ADGRB1: variants seen among roughly 807,000 people sequenced by gnomAD.
ADGRB1 encodes brain-specific angiogenesis inhibitor 1.
In ADGRB1, 36 loss-of-function variants were observed where a neutral mutation model predicts 175.7. The observed-to-expected ratio is 0.20, with a 90% CI of 0.16 to 0.27. The LOEUF is 0.27. ADGRB1 is among the 10% of genes least tolerant of loss of function. The pLI is 1.00. For synonymous variants in ADGRB1, 1,054 were observed against 979.4 expected (o/e 1.08, Z -1.42); for missense variants, 1,731 against 2,255.3 (o/e 0.77, Z 4.71).
At chr8:142,505,989 G>A (rs1025357546) in intron 17 of ADGRB1, among the ~76,000 whole-genome samples, 3 of 152,302 alleles carry the variant, frequency 2.0e-5, no homozygotes, top group African/African-American at 7.2e-5. Flanking sequence ...TCATTCACGC[G>A]CAGGCGTCCT....
At chr8:142,523,706 T>C (rs892456514) in intron 22 of ADGRB1, among the ~76,000 whole-genome samples, 4 of 145,630 alleles carry the variant, frequency 2.7e-5, no homozygotes, top group African/African-American at 7.7e-5. Flanking sequence ...ACGGTCCTTA[T>C]TGGGTTTCAG....
At chr8:142,462,132 C>T (rs1840001223) in intron 1 of ADGRB1, among the ~76,000 whole-genome samples, 1 of 152,144 alleles carries the variant, frequency 6.6e-6, no homozygotes, top group Admixed American at 6.5e-5. Context: ...AGCATCTTCC[C>T]AGGTCTGCCA....
At chr8:142,516,493 G>T (rs1843447042) in intron 18 of ADGRB1, among the ~76,000 whole-genome samples, 1 of 147,904 alleles carries the variant, frequency 6.8e-6, no homozygotes, top group African/African-American at 2.5e-5. Flanking sequence ...GCGCGCGTGT[G>T]TGCGGGCCCC....
At chr8:142,500,427 C>T (rs1054660884) in intron 17 of ADGRB1, among the ~76,000 whole-genome samples, 2 of 139,132 alleles carry the variant, frequency 1.4e-5, no homozygotes, top group Non-Finnish European at 3.0e-5. Context: ...CCACCACCCC[C>T]CCATGCCCTC....
At position 142,544,708 on chromosome 8, in the gene ADGRB1, C is replaced by T. The variant is rs1010464904; in HGVS notation, c.*291C>T. The T allele has an allele frequency of 1.8e-5, 5 of 280,376 alleles. No individual in the cohort carries two copies. The highest frequency in any genetic ancestry group is 8.9e-5 in the African/African-American group (4 of 45,060). 17.4% of individuals were successfully genotyped at this position (280,376 alleles called of 1,614,324 possible). A position where few individuals can be genotyped will look rare whatever the true frequency, so the allele number is the denominator to read the frequency against. The stretch of plus-strand genomic sequence containing the variant: ...GGCAGATGGGCGGACGGCTGTGGAC[C>T]GTGGACAGGCCCAGCGCGGCCAGCG... On this transcript the variant is annotated 3_prime_UTR_variant, in exon 31 of 31. Coordinates refer to ENST00000517894, the MANE Select transcript of ADGRB1 (RefSeq NM_001702.3).
In ADGRB1 at chr8:142,542,079, A is replaced by G. The variant is rs757805243; in HGVS notation, c.3845A>G (p.Asn1282Ser). 1.2e-6 allele frequency: 2 copies of G among 1,613,136 alleles called. No homozygotes were observed. Among genetic ancestry groups the G allele is most frequent in the Admixed American group, 1.7e-5 (1 of 60,018 alleles). ...ACCAATTTCAACAGCCTGCCGGCCA[A>G]CGTGTCCAAGCTGCACCTGCACGGC... ...PPTNFNSLPA[N>S]VSKLHLHGSP... The change falls in exon 28 of 31, where the codon AAC (asparagine) becomes AGC (serine). Residue 1282 changes from asparagine to serine, a missense_variant. By Grantham distance (46) the Asn-to-Ser change is conservative. Transcript: ENST00000517894. This position sits in a 1 kb window ranked among gnomAD's most constrained non-coding sequence, Gnocchi z 6.3.
intron 14 of ADGRB1, 71 bp from the exon 15 acceptor site, chr8:142,488,964 A>T: frequency 1.3e-6 from 2 of 1,537,124 alleles, no homozygotes; most frequent in South Asian, 2.3e-5. Context: ...AGCGGGGTCC[A>T]GGCCAGGCTG....
intron 4 of ADGRB1, 68 bp downstream of exon 4, chr8:142,476,763 G>C: frequency 1.4e-6 from 2 of 1,394,898 alleles, no homozygotes; most frequent in East Asian, 2.5e-5. Context: ...ATCAATTGCA[G>C]CTAGTTATGG....
chr8:142,535,118 C>G (rs1438450958), intron 25 of ADGRB1, among the ~76,000 whole-genome samples: 2 of 152,180 alleles, frequency 1.3e-5, no homozygotes, highest in Admixed American at 6.5e-5. Flanking sequence ...AAAATGGAGG[C>G]AAAATATCTC....
chr8:142,515,298 G>A (rs974221272), intron 18 of ADGRB1, among the ~76,000 whole-genome samples: 12 of 152,226 alleles, frequency 7.9e-5, no homozygotes, highest in Admixed American at 6.5e-4. Flanking sequence ...TCCCCTCGGC[G>A]TGAGTTGAGG....
intron 2 of ADGRB1, among the ~76,000 whole-genome samples, chr8:142,469,689 ATGTG>A (rs1161107144): frequency 3.1e-5 from 4 of 128,910 alleles, no homozygotes; most frequent in Non-Finnish European, 6.8e-5. Flanking sequence ...ATGTGTGTGA[ATGTG>A]TGCGTGCCTG....
intron 1 of ADGRB1, among the ~76,000 whole-genome samples, chr8:142,453,182 G>A (rs1469264513): frequency 6.6e-6 from 1 of 152,160 alleles, no homozygotes; most frequent in Non-Finnish European, 1.5e-5. Context: ...GCGTGCTGGT[G>A]TCCATGTGTG....
Position 142,493,634 on chromosome 8 carries a change from G to A in ADGRB1, c.2675+2819G>A, listed in dbSNP as rs1330919910. ...GCCTCTTGGGTCCTTGACCCTGCCC[G>A]GCAGCCAGGCCACGCTGCACACCTG... On this transcript the variant is annotated intron_variant, in intron 17 of 30. Transcript: ENST00000517894. The surrounding 1 kb of genome is among the most constrained non-coding windows in gnomAD (Gnocchi z 5.0). Among the ~76,000 whole-genome samples the A allele has an allele frequency of 2.0e-5, 3 of 152,220 alleles. No individual in the cohort carries two copies. Among genetic ancestry groups the A allele is most frequent in the South Asian group, 2.1e-4 (1 of 4,830 alleles).
At chr8:142,497,727 G>A (rs933090653) in intron 17 of ADGRB1, among the ~76,000 whole-genome samples, 22 of 152,214 alleles carry the variant, frequency 1.4e-4, no homozygotes, top group Non-Finnish European at 2.4e-4. Context: ...GCCCCTTCCC[G>A]GGTACCCCTT....
intron 2 of ADGRB1, among the ~76,000 whole-genome samples, chr8:142,469,162 T>TGA (rs1554604897): frequency 0.14 from 20,696 of 151,944 alleles, 1,623 homozygotes; most frequent in East Asian, 0.19. Flanking sequence ...CGTGCATGTG[T>TGA]GTGTGTGTGC....
In ADGRB1 at chr8:142,479,775, G is replaced by A. The variant is rs776669456; in HGVS notation, c.1809G>A (p.Arg603=). 1 of 1,612,722 alleles carries A rather than the reference G, an allele frequency of 6.2e-7. No individual in the cohort carries two copies. Among genetic ancestry groups the A allele is most frequent in the Admixed American group, 1.7e-5 (1 of 59,942 alleles). The change falls in exon 9 of 31, where the codon CGG becomes CGA. Residue 603 remains arginine, a synonymous_variant. Coordinates refer to ENST00000517894, the MANE Select transcript of ADGRB1 (RefSeq NM_001702.3). ...ETPAGEVAAV[R]CPRNATGLIL... is the part of the protein sequence containing the mutation. ...CAGCGGGAGAGGTGGCTGCTGTCCG[G>A]TGTCCCCGCAACGCCACAGGTGAGG...
At chr8:142,532,538 T>TG (rs1397793183) in intron 24 of ADGRB1, among the ~76,000 whole-genome samples, 1 of 152,054 alleles carries the variant, frequency 6.6e-6, no homozygotes, top group Non-Finnish European at 1.5e-5. Flanking sequence ...TCAGGAGGCA[T>TG]GGGCGGAGCT....
Position 142,477,241 on chromosome 8 carries a change from C to T in ADGRB1, c.1185C>T (p.Arg395=), listed in dbSNP as rs757015999. Residue 395 remains arginine (R), a synonymous_variant, in exon 5 of 31, where the codon CGC becomes CGT. Coordinates refer to ENST00000517894, the MANE Select transcript of ADGRB1 (RefSeq NM_001702.3). ...SYSTQCSGPL[R]EQRLCNNSAV... ...GCACGCAGTGCAGCGGACCCCTGCG[C>T]GAGCAGCGGCTGTGCAACAACTCTG... 3.3e-5 allele frequency: 53 copies of T among 1,593,636 alleles called. No homozygotes were observed. The highest frequency in any genetic ancestry group is 3.6e-5 in the Non-Finnish European group (42 of 1,172,232).
rs1024329410 is a variant in ADGRB1, at chr8:142,480,926, T to G, written c.1829-328T>G. On this transcript the variant is annotated intron_variant, in intron 9 of 30. Coordinates refer to ENST00000517894, the MANE Select transcript of ADGRB1 (RefSeq NM_001702.3). ...CCAGGGTGCTGGCTCCCTCCAGGGC[T>G]CTGGGTTGGTTAGAAGGGGCTCCGA... is the stretch of plus-strand genomic sequence containing the variant. 7.9e-5 allele frequency among the ~76,000 whole-genome samples: 12 copies of G among 152,016 alleles called. No individual in the cohort carries two copies. The East Asian group carries it at 2.1e-3, about 27-fold the overall frequency.
Sources: allele counts gnomAD v4.1 joint callset (sites outside exome capture counted in the v4.1 genomes callset), GRCh38; gene constraint gnomAD v4.1.1; non-coding constraint Gnocchi (gnomAD v3.1); transcripts MANE v1.5; gene names NCBI Gene and HGNC (gene_info 2026-07-23, HGNC 2026-07-21).